SH3YL1: variants seen among roughly 807,000 people sequenced by gnomAD.
The protein encoded by SH3YL1 is SH3 domain-containing YSC84-like protein 1.
A neutral mutation model predicts 45.8 loss-of-function variants in SH3YL1; 41 were observed. The ratio of observed to expected loss-of-function variants is 0.89; its 90% CI spans 0.70 to 1.16. The LOEUF (loss-of-function observed/expected upper bound fraction) is 1.16, where lower values mean the gene tolerates loss of function less well. SH3YL1 is among the 50% of genes most tolerant of loss of function. The pLI is 0.00. For synonymous variants in SH3YL1, 152 were observed against 151.4 expected, an observed-to-expected ratio of 1.00 and a Z score of -0.03; for missense variants, 389 against 409.6, an observed-to-expected ratio of 0.95 and a Z score of 0.43.
Position 242,805 on chromosome 2 carries a change from T to C in SH3YL1, c.291+4733A>G, listed in dbSNP as rs1337636492. ...CTTTAGATTCAAAGTTACCATTAGATTGACAGTAAAAGGATGGAGAAAGAT... is the reference window on the plus strand; with the variant it reads ...CTTTAGATTCAAAGTTACCATTAGACTGACAGTAAAAGGATGGAGAAAGAT... On this transcript the variant is annotated intron_variant, in intron 4 of 9. Transcript: ENST00000356150. The C allele has an allele frequency of 3.9e-6, 6 of 1,536,070 alleles. No homozygotes were observed. The African/African-American group carries it at 4.1e-5, about 11-fold the overall frequency.
chr2:262,729 T>C, intron 1 of SH3YL1: 3 of 1,272,704 alleles, frequency 2.4e-6, no homozygotes, highest in Non-Finnish European at 3.1e-6. Flanking sequence ...TATGTTTGTG[T>C]TGACATGCCA....
intron 4 of SH3YL1, among the ~76,000 whole-genome samples, chr2:238,800 ATCTC>A (rs1055355597): frequency 7.9e-5 from 12 of 152,172 alleles, no homozygotes; most frequent in Non-Finnish European, 1.6e-4. Context: ...CTCTTTACTA[ATCTC>A]TCTCTCTTTA....
At chr2:257,555 A>C (rs1435019577) in intron 1 of SH3YL1, among the ~76,000 whole-genome samples, 2 of 152,298 alleles carry the variant, frequency 1.3e-5, no homozygotes, top group Non-Finnish European at 2.9e-5. Context: ...CCACTCATAC[A>C]CTGCTAAGTG....
rs1208289445 is a variant in SH3YL1, at chr2:262,526, TC to T, written c.1+1457del. The T allele has an allele frequency of 4.8e-6, 6 of 1,243,282 alleles. No individual in the cohort carries two copies. In the African/African-American group the frequency reaches 7.7e-5, roughly 16 times the overall value. The allele number at this position is 1,243,282 out of a possible 1,614,324, so 77.0% of individuals were successfully genotyped here. A position where few individuals can be genotyped will look rare whatever the true frequency, so the allele number is the denominator to read the frequency against. ...TTCCACACATGCCACACTGGTCTGA[TC>T]TTTTAGAGTAAAAAATGGGATCTTC... On this transcript the variant is annotated intron_variant, in intron 1 of 9. Coordinates refer to ENST00000356150, the MANE Select transcript of SH3YL1 (RefSeq NM_015677.4).
chr2:229,745 A>G (rs1247284867), intron 8 of SH3YL1: 2 of 378,084 alleles, frequency 5.3e-6, no homozygotes, highest in African/African-American at 2.1e-5. Context: ...AAAAAAAAAA[A>G]AAAAGAAAGT....
chr2:245,538 T>C (rs893047115), intron 4 of SH3YL1, among the ~76,000 whole-genome samples: 3 of 152,196 alleles, frequency 2.0e-5, no homozygotes, highest in Admixed American at 6.5e-5. Context: ...CATATAAGGC[T>C]ATCTTTAACT....
chr2:264,602 C>CA (rs1352517671), upstream of SH3YL1: 1 of 113,716 alleles, frequency 8.8e-6, no homozygotes, highest in South Asian at 2.9e-4. Flanking sequence ...GTGACTCCCC[C>CA]CCGCCAACCC....
At chr2:233,405 A>T (rs1287001462) in intron 5 of SH3YL1, among the ~76,000 whole-genome samples, 176 bp from the exon 6 acceptor site, 3 of 152,266 alleles carry the variant, frequency 2.0e-5, no homozygotes, top group African/African-American at 7.2e-5. Context: ...GGCCTAGAGG[A>T]AAAACAGGCC....
chr2:227,003 T>C (rs1038756354), intron 8 of SH3YL1, among the ~76,000 whole-genome samples: 1 of 152,048 alleles, frequency 6.6e-6, no homozygotes, highest in South Asian at 2.1e-4. Context: ...GTGGGTAGCA[T>C]ACATGATGGA....
intron 8 of SH3YL1, among the ~76,000 whole-genome samples, chr2:229,520 G>C (rs1456307748): frequency 5.9e-5 from 9 of 151,950 alleles, no homozygotes; most frequent in Non-Finnish European, 1.0e-4. Context: ...ACGAGGTCAG[G>C]AGATCGAGAC....
At chr2:247,424 C>T (rs1668869752) in intron 4 of SH3YL1, 114 bp downstream of exon 4, 1 of 693,948 alleles carries the variant, frequency 1.4e-6, no homozygotes, top group Non-Finnish European at 2.3e-6. Context: ...ACAATTTTTC[C>T]TAAGTGCCAA....
At chr2:232,235 ATTC>A (rs563093183) in intron 6 of SH3YL1, among the ~76,000 whole-genome samples, 2 of 151,568 alleles carry the variant, frequency 1.3e-5, no homozygotes, top group South Asian at 4.2e-4. Flanking sequence ...ATACTTCCAG[ATTC>A]TTTTTTTTTT....
At chr2:224,368 A>T (rs1331298632) in intron 9 of SH3YL1, among the ~76,000 whole-genome samples, 2 of 152,264 alleles carry the variant, frequency 1.3e-5, no homozygotes, top group African/African-American at 4.8e-5. Context: ...TAGAAATATA[A>T]AATTTATGGT....
At chr2:257,757 T>C (rs1669408768) in intron 1 of SH3YL1, among the ~76,000 whole-genome samples, 1 of 152,234 alleles carries the variant, frequency 6.6e-6, no homozygotes, top group South Asian at 2.1e-4. Flanking sequence ...TCAATTAAAC[T>C]CCTTAAAATT....
intron 7 of SH3YL1, chr2:230,808 T>G: frequency 1.8e-6 from 1 of 552,428 alleles, no homozygotes; most frequent in South Asian, 2.2e-5. Flanking sequence ...AGTTCCATCC[T>G]TGGAGAAATG....
chr2:223,365 C>T (rs1022779441), intron 9 of SH3YL1, among the ~76,000 whole-genome samples: 2 of 152,300 alleles, frequency 1.3e-5, no homozygotes, highest in African/African-American at 4.8e-5. Flanking sequence ...GTGGCCTCAG[C>T]TCTTTTTCAG....
At chr2:221,992 T>G in intron 9 of SH3YL1, among the ~76,000 whole-genome samples, 1 of 152,012 alleles carries the variant, frequency 6.6e-6, no homozygotes, top group East Asian at 1.9e-4. Flanking sequence ...CAATAAAAGG[T>G]GAGTCAAGTA....
chr2:263,812 C>T (rs1433642480), intron 1 of SH3YL1, 172 bp downstream of exon 1: 5 of 534,696 alleles, frequency 9.4e-6, no homozygotes, highest in Non-Finnish European at 1.7e-5. Context: ...TCGCTGTGGT[C>T]AAGAAAGTCC....
chr2:245,871 A>G (rs1185019904), intron 4 of SH3YL1, among the ~76,000 whole-genome samples: 1 of 152,094 alleles, frequency 6.6e-6, no homozygotes, highest in Non-Finnish European at 1.5e-5. Context: ...ACAACTAAAA[A>G]AAAATAAAAA....
Sources: gnomAD v4.1 joint callset for allele counts (sites outside exome capture counted in the v4.1 genomes callset) on GRCh38, gnomAD v4.1.1 for gene constraint, MANE v1.5 for transcripts, NCBI Gene and HGNC (gene_info 2026-07-23, HGNC 2026-07-21) for gene names.